GDPD5: variants seen among roughly 807,000 people sequenced by gnomAD.
GDPD5 encodes the protein glycerophosphodiester phosphodiesterase 2.
A neutral mutation model predicts 75.1 loss-of-function variants in GDPD5; 48 were observed. That is an observed-to-expected ratio of 0.64 (90% CI 0.51 to 0.81). GDPD5 has a LOEUF of 0.81. GDPD5 is among the 40% of genes least tolerant of loss of function. The probability of loss-of-function intolerance (pLI) is 0.00; values close to 1 mark genes in which losing one functional copy is unlikely to be tolerated. For synonymous variants in GDPD5, 336 were observed against 339.0 expected (o/e 0.99, Z 0.10); for missense variants, 706 against 822.6 (o/e 0.86, Z 1.73).
chr11:75,449,259 C>G, intron 8 of GDPD5, 137 bp from the exon 9 acceptor site: 1 of 1,046,208 alleles, frequency 9.6e-7, no homozygotes. Flanking sequence ...GAAGATGAAC[C>G]CCGCCTCTAA....
intron 1 of GDPD5, among the ~76,000 whole-genome samples, chr11:75,501,571 C>T (rs1420341897): frequency 6.6e-6 from 1 of 152,206 alleles, no homozygotes; most frequent in Non-Finnish European, 1.5e-5. Flanking sequence ...TGGGCCAGGG[C>T]TCCAGGCTGG....
At chr11:75,507,617 G>A (rs1466473169) in intron 1 of GDPD5, among the ~76,000 whole-genome samples, 2 of 152,184 alleles carry the variant, frequency 1.3e-5, no homozygotes, top group Non-Finnish European at 2.9e-5. Flanking sequence ...CCAACACAGT[G>A]GTTGCCCCAC....
chr11:75,491,497 G>A (rs976331339), intron 1 of GDPD5, among the ~76,000 whole-genome samples: 1 of 152,224 alleles, frequency 6.6e-6, no homozygotes, highest in African/African-American at 2.4e-5. Context: ...ACTCAGTTAA[G>A]TCTAGGCTGG....
chr11:75,500,985 T>C (rs1430455460), intron 1 of GDPD5, among the ~76,000 whole-genome samples: 3 of 152,190 alleles, frequency 2.0e-5, no homozygotes, highest in African/African-American at 4.8e-5. Context: ...TGTACAGCCA[T>C]CCATTCAGCA....
At chr11:75,443,411 G>C (rs1948889812) in intron 10 of GDPD5, 125 bp from the exon 11 acceptor site, 1 of 1,130,996 alleles carries the variant, frequency 8.8e-7, no homozygotes, top group Non-Finnish European at 1.3e-6. Flanking sequence ...GCCCCTCTCT[G>C]GGCCTCAGTC....
intron 9 of GDPD5, among the ~76,000 whole-genome samples, chr11:75,448,172 G>A (rs1297180378): frequency 6.6e-6 from 1 of 152,160 alleles, no homozygotes; most frequent in Admixed American, 6.5e-5. Context: ...TTGGCAGGGT[G>A]GGGGTGTGTA....
intron 11 of GDPD5, 66 bp from the exon 12 acceptor site, chr11:75,442,647 C>G: frequency 6.9e-7 from 1 of 1,453,644 alleles, no homozygotes; most frequent in Non-Finnish European, 9.6e-7. Flanking sequence ...ACATACCCTT[C>G]TGGCAACCAA....
chr11:75,514,830 G>C (rs1040976083), intron 1 of GDPD5, among the ~76,000 whole-genome samples: 1 of 152,228 alleles, frequency 6.6e-6, no homozygotes, highest in Admixed American at 6.5e-5. Context: ...TACAGAGAAG[G>C]GGGGCATGAT....
chr11:75,515,835 CAG>C (rs1193317102), intron 1 of GDPD5: 3 of 152,250 alleles, frequency 2.0e-5, no homozygotes, highest in African/African-American at 7.2e-5. Context: ...GTGGAGGAGG[CAG>C]AGAGGGAGAG....
rs764981439 is a variant in GDPD5, at chr11:75,439,845, G to A, written c.1556+34C>T. The A allele has an allele frequency of 3.2e-6, 5 of 1,563,908 alleles. No individual in the cohort carries two copies. In the South Asian group the frequency reaches 4.4e-5, roughly 14 times the overall value. On this transcript the variant is annotated intron_variant, in intron 15 of 16. Coordinates refer to ENST00000336898, the MANE Select transcript of GDPD5 (RefSeq NM_030792.8). ...TGGGGGCTGGGCCTGCTGCAGGGTA[G>A]GGACAGCCACGGAAGTGGTCAGATC... is the stretch of plus-strand genomic sequence containing the variant.
chr11:75,501,988 C>A (rs1950312409), intron 1 of GDPD5, among the ~76,000 whole-genome samples: 1 of 152,198 alleles, frequency 6.6e-6, no homozygotes, highest in South Asian at 2.1e-4. Context: ...CTCCCTACAC[C>A]CCCAAGTCCA....
At chr11:75,504,588 T>C (rs968509137) in intron 1 of GDPD5, among the ~76,000 whole-genome samples, 1 of 152,162 alleles carries the variant, frequency 6.6e-6, no homozygotes, top group Non-Finnish European at 1.5e-5. Flanking sequence ...CTTCCACTTA[T>C]ATATGGTATC....
chr11:75,502,610 T>G (rs1042674280), intron 1 of GDPD5, among the ~76,000 whole-genome samples: 1 of 152,160 alleles, frequency 6.6e-6, no homozygotes, highest in African/African-American at 2.4e-5. Flanking sequence ...ACCAGTCCCA[T>G]GGAGAGAAGT....
chr11:75,503,470 A>G (rs1289537835), intron 1 of GDPD5, among the ~76,000 whole-genome samples: 1 of 152,242 alleles, frequency 6.6e-6, no homozygotes, highest in African/African-American at 2.4e-5. Context: ...TCAAGGTCAT[A>G]GAGGTAGTAA....
chr11:75,498,844 G>GCTTT (rs11267588), intron 1 of GDPD5, among the ~76,000 whole-genome samples: 2 of 151,942 alleles, frequency 1.3e-5, no homozygotes, highest in African/African-American at 4.8e-5. Context: ...CACCTTACAT[G>GCTTT]AGTCTGTTGA....
chr11:75,491,574 A>G (rs1950110525), intron 1 of GDPD5, among the ~76,000 whole-genome samples: 1 of 152,210 alleles, frequency 6.6e-6, no homozygotes, highest in Non-Finnish European at 1.5e-5. Flanking sequence ...CTGGACCACA[A>G]TTTGAGTAGC....
At chr11:75,457,451 C>A (rs1424280583) in intron 5 of GDPD5, among the ~76,000 whole-genome samples, 1 of 152,230 alleles carries the variant, frequency 6.6e-6, no homozygotes, top group Non-Finnish European at 1.5e-5. Flanking sequence ...CAACTTCCTA[C>A]TAGTGGCATG....
intron 6 of GDPD5, chr11:75,452,931 A>C (rs548918195): frequency 2.2e-4 from 33 of 152,688 alleles, no homozygotes; most frequent in African/African-American, 7.9e-4. Flanking sequence ...CAGGGGAGTC[A>C]GGCGAGGACA....
At chr11:75,488,792 T>G in intron 2 of GDPD5, among the ~76,000 whole-genome samples, 1 of 152,216 alleles carries the variant, frequency 6.6e-6, no homozygotes, top group Non-Finnish European at 1.5e-5. Flanking sequence ...CAGGCCTCAG[T>G]GCGCTGTAAT....
Sources: allele counts gnomAD v4.1 joint callset (sites outside exome capture counted in the v4.1 genomes callset), GRCh38; gene constraint gnomAD v4.1.1; transcripts MANE v1.5; gene names NCBI Gene and HGNC (gene_info 2026-07-23, HGNC 2026-07-21).